Variants in ANKS1B observed in about 807,000 individuals in gnomAD.
The protein encoded by ANKS1B is ankyrin repeat and sterile alpha motif domain-containing protein 1B.
Under a neutral mutation model 148.3 loss-of-function variants are expected in ANKS1B, and 36 were observed. The ratio of observed to expected loss-of-function variants is 0.24; its 90% CI spans 0.19 to 0.32. The LOEUF (loss-of-function observed/expected upper bound fraction) is 0.32. Ranked by LOEUF, ANKS1B falls within the 10% of genes least tolerant of loss-of-function variation. The probability of loss-of-function intolerance (pLI) is 1.00; values close to 1 mark genes in which losing one functional copy is unlikely to be tolerated. For synonymous variants in ANKS1B, 542 were observed against 560.8 expected (o/e 0.97, Z 0.47); for missense variants, 1,157 against 1,542.6 (o/e 0.75, Z 4.19).
Position 99,039,131 on chromosome 12 carries a change from T to A in ANKS1B, c.2778+14026A>T, listed in dbSNP as rs547506870. Among the ~76,000 whole-genome samples the A allele has an allele frequency of 5.9e-5, 9 of 152,360 alleles. 1 individual carries two copies. The South Asian group carries it at 1.9e-3, about 32-fold the overall frequency. ...TAAATACTACATATACTTCTTCATATGTCGTCTTCCCAGTTGGACACTTTC... is the reference window on the plus strand; with the variant it reads ...TAAATACTACATATACTTCTTCATAAGTCGTCTTCCCAGTTGGACACTTTC... On this transcript the variant is annotated intron_variant, in intron 17 of 26. Transcript: ENST00000683438.
intron 4 of ANKS1B, among the ~76,000 whole-genome samples, chr12:99,800,580 T>A (rs1234069733): frequency 6.6e-6 from 1 of 152,110 alleles, no homozygotes; most frequent in African/African-American, 2.4e-5. Flanking sequence ...CCAATAGGAT[T>A]TGCTGAAGAA....
chr12:99,850,741 T>C (rs970873076), intron 1 of ANKS1B, among the ~76,000 whole-genome samples: 6 of 152,126 alleles, frequency 3.9e-5, no homozygotes, highest in African/African-American at 1.4e-4. Context: ...ACTATGTTAA[T>C]GTCAAGTTTA....
intron 15 of ANKS1B, among the ~76,000 whole-genome samples, chr12:99,138,715 T>C (rs980170376): frequency 3.3e-5 from 5 of 152,194 alleles, no homozygotes; most frequent in Admixed American, 6.5e-5. Flanking sequence ...GTAGCTCTTT[T>C]GCTCTTCAAA....
chr12:99,518,706 A>G (rs2096846493), intron 9 of ANKS1B, among the ~76,000 whole-genome samples: 1 of 151,564 alleles, frequency 6.6e-6, no homozygotes, highest in East Asian at 1.9e-4. Flanking sequence ...TCTTGTATGG[A>G]TTTCTTCATC....
At chr12:99,412,357 C>T (rs563104216) in intron 11 of ANKS1B, among the ~76,000 whole-genome samples, 3 of 152,258 alleles carry the variant, frequency 2.0e-5, no homozygotes, top group South Asian at 2.1e-4. Context: ...TACTTATTAC[C>T]ATCTGGTGGG....
At chr12:99,217,166 C>T (rs1404930454) in intron 14 of ANKS1B, among the ~76,000 whole-genome samples, 1 of 152,066 alleles carries the variant, frequency 6.6e-6, no homozygotes, top group Non-Finnish European at 1.5e-5. Flanking sequence ...TATTTTGGGC[C>T]TCTCTGTTAC....
At chr12:99,937,755 T>C (rs2094816758) in intron 1 of ANKS1B, among the ~76,000 whole-genome samples, 2 of 152,156 alleles carry the variant, frequency 1.3e-5, no homozygotes, top group Admixed American at 1.3e-4. Flanking sequence ...TTATTTTCTT[T>C]CTTTGATACT....
chr12:99,339,107 T>A (rs1297261323), intron 12 of ANKS1B, among the ~76,000 whole-genome samples: 2 of 152,134 alleles, frequency 1.3e-5, no homozygotes. Flanking sequence ...GCCCAGGAAT[T>A]ACAGTCCTTG....
At chr12:99,059,149 T>C (rs2041471166) in intron 16 of ANKS1B, among the ~76,000 whole-genome samples, 1 of 152,186 alleles carries the variant, frequency 6.6e-6, no homozygotes, top group African/African-American at 2.4e-5. Flanking sequence ...ATTTCTGTAG[T>C]ATTTTCCATA....
chr12:99,460,303 A>G (rs746289896), intron 10 of ANKS1B, among the ~76,000 whole-genome samples: 1 of 152,210 alleles, frequency 6.6e-6, no homozygotes, highest in Non-Finnish European at 1.5e-5. Context: ...ACCTGAAACC[A>G]TAACAATTCT....
At chr12:99,115,932 C>CAAAA (rs60585792) in intron 15 of ANKS1B, among the ~76,000 whole-genome samples, 3 of 65,030 alleles carry the variant, frequency 4.6e-5, no homozygotes, top group Admixed American at 1.6e-4. Flanking sequence ...GACTCCGTCT[C>CAAAA]AAAAAAAAAA....
rs1004137999 is a variant in ANKS1B, at chr12:99,984,628, A to G, written c.-391T>C. Reference sequence around the variant, plus strand: ...GGAGGAGGAGGAGGAGGCGGCAGAGAGAGTCCTAGCTGGAGCGGGAGCGCA... The same window carrying G: ...GGAGGAGGAGGAGGAGGCGGCAGAGGGAGTCCTAGCTGGAGCGGGAGCGCA... On this transcript the variant is annotated 5_prime_UTR_variant, in exon 1 of 27. Coordinates refer to ENST00000683438, the MANE Select transcript of ANKS1B (RefSeq NM_001352186.2). 9 of 165,002 alleles carry G rather than the reference A, an allele frequency of 5.5e-5. No homozygotes were observed. The highest frequency in any genetic ancestry group is 2.1e-4 in the African/African-American group (9 of 42,026). 10.2% of individuals were successfully genotyped at this position (165,002 alleles called of 1,614,324 possible). A position where few individuals can be genotyped will look rare whatever the true frequency, so the allele number is the denominator to read the frequency against.
At chr12:99,077,524 A>G (rs1267255838) in intron 16 of ANKS1B, among the ~76,000 whole-genome samples, 1 of 152,206 alleles carries the variant, frequency 6.6e-6, no homozygotes, top group Non-Finnish European at 1.5e-5. Context: ...ACAAGTTTCT[A>G]TCATTTTTCT....
rs1270669688 is a variant in ANKS1B at position 99,984,657 on chromosome 12, A to T, written c.-420T>A. 3 of 154,300 alleles carry T rather than the reference A, an allele frequency of 1.9e-5. No homozygotes were observed. Among genetic ancestry groups the T allele is most frequent in the Non-Finnish European group, 4.3e-5 (3 of 69,176 alleles). The allele number at this position is 154,300 out of a possible 1,614,324, so 9.6% of individuals were successfully genotyped here. A position where few individuals can be genotyped will look rare whatever the true frequency, so the allele number is the denominator to read the frequency against. ...TCCTAGCTGGAGCGGGAGCGCAGGG[A>T]ACACCCGCGGTGGCAGCAGCGGCCC... is the stretch of plus-strand genomic sequence containing the variant. On this transcript the variant is annotated 5_prime_UTR_variant, in exon 1 of 27. Coordinates refer to ENST00000683438, the MANE Select transcript of ANKS1B (RefSeq NM_001352186.2).
intron 11 of ANKS1B, among the ~76,000 whole-genome samples, chr12:99,439,351 A>T (rs576003234): frequency 2.1e-4 from 32 of 151,882 alleles, no homozygotes; most frequent in Non-Finnish European, 3.0e-4. Flanking sequence ...ACTTGAGAAA[A>T]TGTTTAGGCA....
At chr12:99,656,327 G>T (rs768166073) in intron 8 of ANKS1B, among the ~76,000 whole-genome samples, 3 of 152,026 alleles carry the variant, frequency 2.0e-5, no homozygotes, top group Non-Finnish European at 4.4e-5. Context: ...AAATAAGCAG[G>T]AAAATGGTGG....
At chr12:99,162,662 G>A (rs2076779072) in intron 14 of ANKS1B, among the ~76,000 whole-genome samples, 1 of 152,122 alleles carries the variant, frequency 6.6e-6, no homozygotes, top group Non-Finnish European at 1.5e-5. Context: ...AGGCAGATAT[G>A]TTCGGATATA....
At chr12:99,022,135 T>C (rs2153440084) in intron 17 of ANKS1B, among the ~76,000 whole-genome samples, 1 of 152,328 alleles carries the variant, frequency 6.6e-6, no homozygotes, top group Admixed American at 6.5e-5. Flanking sequence ...AGTTACAGCG[T>C]GTTTCCCCAT....
intron 8 of ANKS1B, among the ~76,000 whole-genome samples, chr12:99,690,363 C>T (rs1003540394): frequency 2.0e-5 from 3 of 152,108 alleles, no homozygotes; most frequent in African/African-American, 4.8e-5. Context: ...CCCAACAGTA[C>T]CCTAAAGTCT....
Sources: gnomAD v4.1 joint callset for allele counts (sites outside exome capture counted in the v4.1 genomes callset) on GRCh38, gnomAD v4.1.1 for gene constraint, MANE v1.5 for transcripts, NCBI Gene and HGNC (gene_info 2026-07-23, HGNC 2026-07-21) for gene names.